The following NUDT1 variants were observed in gnomAD, a reference collection of about 807,000 sequenced individuals.
NUDT1 encodes the protein oxidized purine nucleoside triphosphate hydrolase.
In NUDT1, 16 loss-of-function variants were observed where a neutral mutation model predicts 11.3. The observed-to-expected ratio is 1.41, with a 90% CI of 0.96 to 2.15. NUDT1 has a LOEUF of 2.15. NUDT1 is among the 30% of genes most tolerant of loss of function. NUDT1 has a pLI of 0.00. For synonymous variants in NUDT1, 101 were observed against 84.4 expected (o/e 1.20, Z -1.08); for missense variants, 234 against 208.4 (o/e 1.12, Z -0.76).
intron 3 of NUDT1, among the ~76,000 whole-genome samples, chr7:2,250,624 A>AT (rs373334096): frequency 0.15 from 21,969 of 151,434 alleles, 1,853 homozygotes; most frequent in Middle Eastern, 0.25. Context: ...CGCCCGGCTA[A>AT]TTTTTTTGTA....
chr7:2,245,725 G>A (rs76668689), intron 2 of NUDT1, among the ~76,000 whole-genome samples: 3,587 of 152,120 alleles, frequency 0.024, 185 homozygotes, highest in African/African-American at 0.08. Flanking sequence ...CGCTCAGTTC[G>A]TTTTTTAATT....
chr7:2,248,109 T>A (rs1025562513), intron 2 of NUDT1: 1 of 152,328 alleles, frequency 6.6e-6, no homozygotes, highest in African/African-American at 2.4e-5. Context: ...ATCCCAGCAC[T>A]TTGGGAGGCC....
At position 2,244,461 on chromosome 7, in the gene NUDT1, C is replaced by G. The variant is rs1011465000; in HGVS notation, c.-12-102C>G. On this transcript the variant is annotated intron_variant, in intron 1 of 3. Coordinates refer to ENST00000356714, the MANE Select transcript of NUDT1 (RefSeq NM_002452.4). ...TGGGGAGTTACAGCATACCCCCCCG[C>G]CCCCCACTGCCTCCCAGAGCACGTC... is the stretch of plus-strand genomic sequence containing the variant. 2.5e-5 allele frequency: 22 copies of G among 891,898 alleles called. 1 individual carries two copies. Among genetic ancestry groups the G allele is most frequent in the African/African-American group, 3.4e-5 (2 of 58,572 alleles). The allele number at this position is 891,898 out of a possible 1,614,324, so 55.2% of individuals were successfully genotyped here. A position where few individuals can be genotyped will look rare whatever the true frequency, so the allele number is the denominator to read the frequency against.
intron 2 of NUDT1, among the ~76,000 whole-genome samples, chr7:2,247,288 C>A (rs1240241451): frequency 1.3e-5 from 2 of 152,182 alleles, no homozygotes; most frequent in African/African-American, 2.4e-5. Context: ...GGCCCTAACT[C>A]CCAGGCCAAG....
chr7:2,247,788 G>C (rs1381740054), intron 2 of NUDT1, among the ~76,000 whole-genome samples: 1 of 152,244 alleles, frequency 6.6e-6, no homozygotes, highest in Non-Finnish European at 1.5e-5. Flanking sequence ...GCTGCCATGT[G>C]CTAGGGAAGA....
At chr7:2,243,139 G>T in intron 1 of NUDT1, 1 of 627,056 alleles carries the variant, frequency 1.6e-6, no homozygotes, top group Non-Finnish European at 2.9e-6. Flanking sequence ...TTGATGGCCT[G>T]CTGGTGCCTG....
chr7:2,244,318 C>T (rs555068810), intron 1 of NUDT1, among the ~76,000 whole-genome samples: 55 of 152,232 alleles, frequency 3.6e-4, no homozygotes, highest in East Asian at 5.8e-4. Flanking sequence ...AAGGTAGCGC[C>T]GGCCTCTGCT....
Position 2,251,094 on chromosome 7 carries a change from G to C in NUDT1, c.*93G>C. ...GGGGCATTGAGTGGCGCAGAGCCGG[G>C]TTTCATCTGGAATTAACTGGATGGA... On this transcript the variant is annotated 3_prime_UTR_variant, in exon 4 of 4. Transcript: ENST00000356714. 7.8e-7 allele frequency: 1 copy of C among 1,286,594 alleles called. No homozygotes were observed. Among genetic ancestry groups the C allele is most frequent in the Non-Finnish European group, 1.1e-6 (1 of 894,376 alleles). The allele number at this position is 1,286,594 out of a possible 1,614,324, so 79.7% of individuals were successfully genotyped here.
In NUDT1 at chr7:2,242,702, T is replaced by G. The variant is rs556784969; in HGVS notation, c.-13+446T>G. 9.4e-6 allele frequency: 4 copies of G among 423,960 alleles called. No individual in the cohort carries two copies. The East Asian group carries it at 1.6e-4, about 17-fold the overall frequency. The allele number at this position is 423,960 out of a possible 1,614,324, so 26.3% of individuals were successfully genotyped here. On this transcript the variant is annotated intron_variant, in intron 1 of 3. Transcript: ENST00000356714. ...TGCGATGAGGATGTGGCTCACTTCTTCAGTGCCCCGCTTCTCAAGCCTCTA... is the reference window on the plus strand; with the variant it reads ...TGCGATGAGGATGTGGCTCACTTCTGCAGTGCCCCGCTTCTCAAGCCTCTA...
intron 2 of NUDT1, chr7:2,249,629 C>T: frequency 1.7e-6 from 1 of 595,514 alleles, no homozygotes; most frequent in South Asian, 1.9e-5. Flanking sequence ...CCGGGCCCCT[C>T]CCCAGAGCCT....
At chr7:2,250,721 G>C in intron 3 of NUDT1, 108 bp from the exon 4 acceptor site, 3 of 976,154 alleles carry the variant, frequency 3.1e-6, no homozygotes, top group Admixed American at 1.7e-5. Context: ...GCCTCCCAAA[G>C]TGCTGGGATT....
intron 1 of NUDT1, among the ~76,000 whole-genome samples, chr7:2,243,925 GC>G (rs573690434): frequency 1.3e-5 from 2 of 152,208 alleles, no homozygotes; most frequent in Admixed American, 6.5e-5. Flanking sequence ...ACTTCCAGTG[GC>G]CCCCCTGGGT....
chr7:2,248,421 G>C (rs1222136336), intron 2 of NUDT1, among the ~76,000 whole-genome samples: 1 of 152,168 alleles, frequency 6.6e-6, no homozygotes, highest in African/African-American at 2.4e-5. Flanking sequence ...CCCGAAGTTG[G>C]AACGTTTTAT....
rs915546394 is a variant in NUDT1, at chr7:2,248,795, A to G, written c.153-1062A>G. Among the ~76,000 whole-genome samples, 5 of 152,054 alleles carry G rather than the reference A, an allele frequency of 3.3e-5. No individual in the cohort carries two copies. The South Asian group carries it at 6.2e-4, about 19-fold the overall frequency. The stretch of plus-strand genomic sequence containing the variant: ...TCAAACTCCGGAGCTCAAGCAATCA[A>G]TCCTCCCACCTTGGCCTCCAAAAAT... On this transcript the variant is annotated intron_variant, in intron 2 of 3. Transcript: ENST00000356714.
intron 3 of NUDT1, among the ~76,000 whole-genome samples, chr7:2,250,497 G>A (rs553881656): frequency 2.6e-5 from 4 of 152,172 alleles, no homozygotes; most frequent in African/African-American, 4.8e-5. Flanking sequence ...TCGCTCTGTC[G>A]CCCAGGCTGG....
intron 3 of NUDT1, 120 bp from the exon 4 acceptor site, chr7:2,250,709 C>T (rs576000067): frequency 2.0e-5 from 15 of 761,384 alleles, no homozygotes; most frequent in East Asian, 1.1e-4. Context: ...CCTCCCGCCT[C>T]GGCCTCCCAA....
rs1262699517 is a variant in NUDT1 at position 2,242,257 on chromosome 7, G to C, written c.-13+1G>C. 5 of 1,355,352 alleles carry C rather than the reference G, an allele frequency of 3.7e-6. No homozygotes were observed. The highest frequency in any genetic ancestry group is 1.5e-5 in the African/African-American group (1 of 65,358). 84.0% of individuals were successfully genotyped at this position (1,355,352 alleles called of 1,614,324 possible). On this transcript the variant is annotated splice_donor_variant, in intron 1 of 3. Transcript: ENST00000356714. LOFTEE classifies it low-confidence loss of function (5UTR_SPLICE). ...CACGCCCCCGGAAGCGGCGGTGCAG[G>C]TACGAAAAGCGCGCGCGGGGATTCC...
intron 1 of NUDT1, 63 bp downstream of exon 1, chr7:2,242,319 C>T (rs2115047570): frequency 5.5e-6 from 4 of 724,688 alleles, no homozygotes; most frequent in South Asian, 4.0e-5. Flanking sequence ...GCCGGGCCAG[C>T]GGGCGGCAGG....
intron 3 of NUDT1, among the ~76,000 whole-genome samples, 154 bp from the exon 4 acceptor site, chr7:2,250,675 G>C (rs1794973349): frequency 1.1e-5 from 1 of 87,252 alleles, no homozygotes; most frequent in South Asian, 3.2e-4. Context: ...AGCCAGGATG[G>C]TCTCGATCTC....
Sources: gnomAD v4.1 joint callset for allele counts (sites outside exome capture counted in the v4.1 genomes callset) on GRCh38, gnomAD v4.1.1 for gene constraint, MANE v1.5 for transcripts, NCBI Gene and HGNC (gene_info 2026-07-23, HGNC 2026-07-21) for gene names.